Variants in WNT8A observed in about 807,000 individuals in gnomAD.
WNT8A encodes the protein Wnt family member 8A.
In WNT8A, 14 loss-of-function variants were observed where a neutral mutation model predicts 20.5. The ratio of observed to expected loss-of-function variants is 0.68; its 90% CI spans 0.45 to 1.07. The LOEUF (loss-of-function observed/expected upper bound fraction) is 1.07. Ranked by LOEUF, WNT8A falls within the 50% of genes least tolerant of loss-of-function variation. WNT8A has a pLI of 0.00. For missense variants in WNT8A, 397 were observed against 462.9 expected (o/e 0.86, Z 1.31); for synonymous variants, 167 against 169.2 (o/e 0.99, Z 0.10).
chr5:138,091,586 A>AT, downstream of WNT8A: 5 of 1,010,582 alleles, frequency 4.9e-6, no homozygotes, highest in Non-Finnish European at 6.6e-6. Flanking sequence ...AGAGTGTTGG[A>AT]TTTTTTATCC....
In WNT8A at chr5:138,090,886, G is replaced by A. The variant is rs768710906; in HGVS notation, c.923G>A (p.Cys308Tyr). 6 of 1,614,218 alleles carry A rather than the reference G, an allele frequency of 3.7e-6. No individual in the cohort carries two copies. Among genetic ancestry groups the A allele is most frequent in the Non-Finnish European group, 5.1e-6 (6 of 1,180,040 alleles). The change falls in exon 5 of 5, where the codon TGT becomes TAT. Residue 308 changes from cysteine to tyrosine, a missense_variant. Physicochemically the swap from Cys to Tyr is radical, Grantham distance 194. Coordinates refer to ENST00000506684, the MANE Select transcript of WNT8A (RefSeq NM_001300939.2). Reference protein sequence around the residue: ...HNTSRWERRSCGRLCTECGLQ... With the variant: ...HNTSRWERRSYGRLCTECGLQ... ...ACATCCAGGTGGGAGCGACGTAGCT[G>A]TGGGCGCCTGTGCACTGAGTGTGGG...
downstream of WNT8A, among the ~76,000 whole-genome samples, chr5:138,091,828 A>AAAATAAATAAAT (rs200860443): frequency 1.5e-5 from 2 of 134,946 alleles, no homozygotes; most frequent in South Asian, 2.4e-4. Context: ...CCCTGACTAA[A>AAAATAAATAAAT]AAATAAATAA....
At chr5:138,078,437 T>A in the WNT8A span, among the ~76,000 whole-genome samples, 1 of 152,196 alleles carries the variant, frequency 6.6e-6, no homozygotes, top group Non-Finnish European at 1.5e-5. Flanking sequence ...TCCTACAGTC[T>A]AATCAGCCCC....
intron 2 of WNT8A, 29 bp downstream of exon 2, chr5:138,084,665 A>C (rs779175323): frequency 6.3e-7 from 1 of 1,584,014 alleles, no homozygotes; most frequent in Admixed American, 1.8e-5. Context: ...CACCTGTACA[A>C]GGGGTATATA....
chr5:138,089,085 G>A lies in WNT8A; in HGVS notation c.564+16G>A. ...CGGCAGACTGGTGGGTATAGGCATT[G>A]TGGCCAGTATTTCTACAGCTTCACA... On this transcript the variant is annotated intron_variant, in intron 4 of 4. Transcript: ENST00000506684. 1 of 1,610,410 alleles carries A rather than the reference G, an allele frequency of 6.2e-7. No homozygotes were observed. The highest frequency in any genetic ancestry group is 8.5e-7 in the Non-Finnish European group (1 of 1,178,450).
At chr5:138,081,834 T>G (rs1015714392), upstream of WNT8A, among the ~76,000 whole-genome samples, 1 of 152,196 alleles carries the variant, frequency 6.6e-6, no homozygotes, top group Non-Finnish European at 1.5e-5. Flanking sequence ...TGCTCCAAAT[T>G]GCTATAAAAA....
At chr5:138,081,888 A>G (rs1347233986), upstream of WNT8A, among the ~76,000 whole-genome samples, 2 of 152,210 alleles carry the variant, frequency 1.3e-5, no homozygotes, top group Non-Finnish European at 2.9e-5. Context: ...TGTCAGAAGG[A>G]CAACAGTCAG....
chr5:138,080,439 ATCTTGTTTTT>A (rs778881950), upstream of WNT8A, among the ~76,000 whole-genome samples: 1 of 49,008 alleles, frequency 2.0e-5, no homozygotes, highest in African/African-American at 6.2e-5. Context: ...AACTCTGTAA[ATCTTGTTTTT>A]TTTTTTTTTT....
chr5:138,084,868 A>G (rs1202132069), intron 2 of WNT8A, among the ~76,000 whole-genome samples: 1 of 152,202 alleles, frequency 6.6e-6, no homozygotes, highest in Non-Finnish European at 1.5e-5. Context: ...CATCAGAAGT[A>G]TCCTATGGGT....
Position 138,084,704 on chromosome 5 carries a change from G to A in WNT8A, c.295+68G>A. 7 of 1,509,008 alleles carry A rather than the reference G, an allele frequency of 4.6e-6. No individual in the cohort carries two copies. In the South Asian group the frequency reaches 8.1e-5, roughly 17 times the overall value. 93.5% of individuals were successfully genotyped at this position (1,509,008 alleles called of 1,614,324 possible). On this transcript the variant is annotated intron_variant, in intron 2 of 4. Transcript: ENST00000506684. ...GAATGGAGTGGGGCTTGCAGTATGT[G>A]TATATGTGTGACATGTATTGCACAG...
At chr5:138,080,361 A>G (rs1329935447), upstream of WNT8A, among the ~76,000 whole-genome samples, 1 of 148,654 alleles carries the variant, frequency 6.7e-6, no homozygotes, top group East Asian at 2.0e-4. Flanking sequence ...AAACAAAAAA[A>G]GATAATTCCA....
chr5:138,088,863 T>C, intron 3 of WNT8A, 64 bp from the exon 4 acceptor site: 1 of 1,579,102 alleles, frequency 6.3e-7, no homozygotes, highest in Admixed American at 1.7e-5. Context: ...TTGGGGGTGG[T>C]TTGGCGGGTG....
intron 4 of WNT8A, among the ~76,000 whole-genome samples, chr5:138,090,200 G>T (rs553236423): frequency 3.3e-5 from 5 of 152,118 alleles, no homozygotes; most frequent in Non-Finnish European, 7.3e-5. Flanking sequence ...TTCCAGCTGG[G>T]CAGATAGAGA....
upstream of WNT8A, among the ~76,000 whole-genome samples, chr5:138,083,370 C>A (rs1337342484): frequency 6.6e-6 from 1 of 151,600 alleles, no homozygotes; most frequent in African/African-American, 2.4e-5. Flanking sequence ...TATAAAAAAT[C>A]AACTAACTGG....
the WNT8A span, among the ~76,000 whole-genome samples, chr5:138,078,357 CTT>C: frequency 6.6e-6 from 1 of 152,156 alleles, no homozygotes; most frequent in South Asian, 2.1e-4. Context: ...AATCCTATCT[CTT>C]TGTCTTTTGG....
chr5:138,079,557 T>A (rs1750450895), upstream of WNT8A, among the ~76,000 whole-genome samples: 1 of 152,034 alleles, frequency 6.6e-6, no homozygotes, highest in Non-Finnish European at 1.5e-5. Flanking sequence ...TGCTCTAGTA[T>A]TTATACCATG....
upstream of WNT8A, chr5:138,083,922 G>T: frequency 4.9e-6 from 3 of 610,294 alleles, no homozygotes; most frequent in Non-Finnish European, 8.0e-6. Flanking sequence ...CCACTGGGCC[G>T]GTGGCTCCTG....
upstream of WNT8A, among the ~76,000 whole-genome samples, chr5:138,082,602 G>A (rs1366249976): frequency 1.3e-5 from 2 of 151,974 alleles, no homozygotes; most frequent in East Asian, 3.9e-4. Context: ...AAATAAGGCT[G>A]GGTATGGTGG....
At chr5:138,085,432 G>T (rs1460675621) in intron 2 of WNT8A, among the ~76,000 whole-genome samples, 2 of 152,198 alleles carry the variant, frequency 1.3e-5, no homozygotes, top group Non-Finnish European at 2.9e-5. Context: ...GGTGGGGTGT[G>T]TGTCTATGTG....
Sources: gnomAD v4.1 joint callset for allele counts (sites outside exome capture counted in the v4.1 genomes callset) on GRCh38, gnomAD v4.1.1 for gene constraint, MANE v1.5 for transcripts, NCBI Gene and HGNC (gene_info 2026-07-23, HGNC 2026-07-21) for gene names.